The following CYSLTR2 variants were observed in gnomAD, a reference collection of about 807,000 sequenced individuals.
CYSLTR2 encodes the protein cysteinyl leukotriene receptor 2.
For synonymous variants in CYSLTR2, 179 were observed against 160.8 expected (o/e 1.11, Z -0.86); for missense variants, 398 against 411.9 (o/e 0.97, Z 0.29).
At chr13:48,696,037 T>C (rs1031722447) in intron 3 of CYSLTR2, among the ~76,000 whole-genome samples, 3 of 152,212 alleles carry the variant, frequency 2.0e-5, no homozygotes, top group African/African-American at 4.8e-5. Flanking sequence ...AATGTCTGAG[T>C]GATCCAGTTT....
At chr13:48,676,624 G>C (rs1012901008) in intron 1 of CYSLTR2, among the ~76,000 whole-genome samples, 4 of 152,214 alleles carry the variant, frequency 2.6e-5, no homozygotes, top group African/African-American at 9.6e-5. Context: ...CTTCCCAATA[G>C]TGGTTACCAA....
chr13:48,697,127 T>C (rs895865928), intron 4 of CYSLTR2, among the ~76,000 whole-genome samples: 1 of 152,176 alleles, frequency 6.6e-6, no homozygotes, highest in African/African-American at 2.4e-5. Context: ...TCTGCAGACT[T>C]AAACGTCCCT....
At chr13:48,691,568 A>G (rs1047256921) in intron 2 of CYSLTR2, among the ~76,000 whole-genome samples, 1 of 152,126 alleles carries the variant, frequency 6.6e-6, no homozygotes, top group Non-Finnish European at 1.5e-5. Flanking sequence ...TAGACAAGAC[A>G]ACTATGCTGT....
chr13:48,705,711 C>T (rs548371701), intron 4 of CYSLTR2, among the ~76,000 whole-genome samples: 1 of 150,360 alleles, frequency 6.7e-6, no homozygotes. Context: ...CTTATTTCCT[C>T]TTATGTCTCT....
intron 4 of CYSLTR2, among the ~76,000 whole-genome samples, chr13:48,702,180 T>C (rs920148651): frequency 2.0e-5 from 3 of 147,788 alleles, no homozygotes; most frequent in African/African-American, 7.5e-5. Flanking sequence ...AAACACTGCA[T>C]GTTCTCACTC....
At chr13:48,665,679 C>G (rs571332619) in intron 1 of CYSLTR2, among the ~76,000 whole-genome samples, 1 of 152,024 alleles carries the variant, frequency 6.6e-6, no homozygotes, top group Non-Finnish European at 1.5e-5. Flanking sequence ...CGTCCCTTCA[C>G]ATTTAGTCTA....
chr13:48,664,210 T>C (rs1388589155), intron 1 of CYSLTR2, among the ~76,000 whole-genome samples: 2 of 152,050 alleles, frequency 1.3e-5, no homozygotes, highest in African/African-American at 4.8e-5. Context: ...TGATATGTTG[T>C]TTGATTTGGT....
At chr13:48,674,328 T>C (rs1260275354) in intron 1 of CYSLTR2, among the ~76,000 whole-genome samples, 5 of 152,204 alleles carry the variant, frequency 3.3e-5, no homozygotes, top group African/African-American at 1.2e-4. Context: ...CTTTTCATTA[T>C]TTTTTCTTTA....
At chr13:48,670,503 C>CGT (rs1953396591) in intron 1 of CYSLTR2, among the ~76,000 whole-genome samples, 1 of 152,128 alleles carries the variant, frequency 6.6e-6, no homozygotes, top group Non-Finnish European at 1.5e-5. Context: ...TATGGCTAAC[C>CGT]AGTTTTCTCA....
At chr13:48,669,469 T>A (rs1953360179) in intron 1 of CYSLTR2, among the ~76,000 whole-genome samples, 1 of 151,000 alleles carries the variant, frequency 6.6e-6, no homozygotes, top group African/African-American at 2.4e-5. Flanking sequence ...GATGTTCCCC[T>A]CCCTGTGTCC....
At chr13:48,661,479 T>A (rs1281985706) in intron 1 of CYSLTR2, among the ~76,000 whole-genome samples, 1 of 152,164 alleles carries the variant, frequency 6.6e-6, no homozygotes, top group Non-Finnish European at 1.5e-5. Flanking sequence ...CCTGCAAAAA[T>A]TTTGCCTCCT....
chr13:48,682,073 TC>T (rs1953770787), intron 1 of CYSLTR2, among the ~76,000 whole-genome samples: 1 of 152,158 alleles, frequency 6.6e-6, no homozygotes, highest in Non-Finnish European at 1.5e-5. Flanking sequence ...TGATTCCATA[TC>T]AGCCTTAGTT....
At chr13:48,657,573 G>A (rs1172114343) in intron 1 of CYSLTR2, among the ~76,000 whole-genome samples, 1 of 151,654 alleles carries the variant, frequency 6.6e-6, no homozygotes, top group Non-Finnish European at 1.5e-5. Flanking sequence ...GGTTTACTCT[G>A]GAAGTTTAAA....
chr13:48,677,140 G>C (rs1427813711), intron 1 of CYSLTR2, among the ~76,000 whole-genome samples: 1 of 152,116 alleles, frequency 6.6e-6, no homozygotes, highest in Non-Finnish European at 1.5e-5. Context: ...TCAGATGAGT[G>C]GAGGTTTCAA....
At chr13:48,665,739 G>C (rs1239664844) in intron 1 of CYSLTR2, among the ~76,000 whole-genome samples, 1 of 151,952 alleles carries the variant, frequency 6.6e-6, no homozygotes, top group Non-Finnish European at 1.5e-5. Context: ...CATATAGTTA[G>C]GTCTTGTGTT....
At chr13:48,678,553 A>G (rs930242160) in intron 1 of CYSLTR2, among the ~76,000 whole-genome samples, 3 of 151,952 alleles carry the variant, frequency 2.0e-5, no homozygotes, top group African/African-American at 7.3e-5. Flanking sequence ...TTCAGTTACT[A>G]TCACGTGCTG....
At chr13:48,685,295 C>G (rs1333853768) in intron 1 of CYSLTR2, among the ~76,000 whole-genome samples, 3 of 149,416 alleles carry the variant, frequency 2.0e-5, no homozygotes, top group African/African-American at 7.3e-5. Context: ...AACTCACTCA[C>G]TATCATGAGA....
At chr13:48,706,712 A>G (rs1265404435) in intron 4 of CYSLTR2, 105 bp from the exon 5 acceptor site, 2 of 868,362 alleles carry the variant, frequency 2.3e-6, no homozygotes, top group African/African-American at 1.7e-5. Flanking sequence ...AAAAGATAGT[A>G]TTGCTCCCTG....
intron 1 of CYSLTR2, among the ~76,000 whole-genome samples, chr13:48,675,789 G>GGGA (rs1463859254): frequency 6.6e-6 from 1 of 152,116 alleles, no homozygotes; most frequent in Non-Finnish European, 1.5e-5. Flanking sequence ...AGGCACCCGA[G>GGGA]GGATTCTCCT....
Sources: gnomAD v4.1 joint callset for allele counts (sites outside exome capture counted in the v4.1 genomes callset) on GRCh38, gnomAD v4.1.1 for gene constraint, MANE v1.5 for transcripts, NCBI Gene and HGNC (gene_info 2026-07-23, HGNC 2026-07-21) for gene names.